BRD3: variants seen among roughly 807,000 people sequenced by gnomAD.
BRD3 encodes the protein bromodomain containing 3, also known as bromodomain-containing protein 3.
Under a neutral mutation model 66.8 loss-of-function variants are expected in BRD3, and 17 were observed. The ratio of observed to expected loss-of-function variants is 0.25; its 90% CI spans 0.17 to 0.38. BRD3 has a LOEUF of 0.38. Ranked by LOEUF, BRD3 falls within the 10% of genes least tolerant of loss-of-function variation. BRD3 has a pLI of 1.00. For missense variants in BRD3, 713 were observed against 956.1 expected (o/e 0.75, Z 3.35); for synonymous variants, 421 against 393.2 (o/e 1.07, Z -0.84).
At chr9:134,059,923 T>C (rs958441764) in intron 1 of BRD3, among the ~76,000 whole-genome samples, 3 of 152,140 alleles carry the variant, frequency 2.0e-5, no homozygotes, top group African/African-American at 4.8e-5. Context: ...AGGGAAGCGG[T>C]GGGTCCTTGG....
In BRD3 at chr9:134,068,002, G is replaced by C. The variant is rs1830709590; in HGVS notation, c.-171C>G. Reference sequence around the variant, plus strand: ...CGGCCCGCGCGGCCGGCTCCTCTTTGGCTCGCCGGCCCCGGCAGCATAATA... The same window carrying C: ...CGGCCCGCGCGGCCGGCTCCTCTTTCGCTCGCCGGCCCCGGCAGCATAATA... On this transcript the variant is annotated 5_prime_UTR_variant, in exon 1 of 12. Coordinates refer to ENST00000303407, the MANE Select transcript of BRD3 (RefSeq NM_007371.4). 1 of 144,962 alleles carries C rather than the reference G, an allele frequency of 6.9e-6. No homozygotes were observed. 9.0% of individuals were successfully genotyped at this position (144,962 alleles called of 1,614,324 possible).
chr9:134,067,727 C>G (rs1254443570), intron 1 of BRD3, among the ~76,000 whole-genome samples: 2 of 144,638 alleles, frequency 1.4e-5, no homozygotes, highest in African/African-American at 2.5e-5. Context: ...CCGCCGCCGC[C>G]ACCGCCGCCG....
chr9:134,036,595 T>C, intron 9 of BRD3: 1 of 1,605,410 alleles, frequency 6.2e-7, no homozygotes, highest in Non-Finnish European at 8.5e-7. Context: ...ATGATCTCTG[T>C]ATTCAGGTAA....
intron 7 of BRD3, among the ~76,000 whole-genome samples, chr9:134,044,844 TTC>T: frequency 6.6e-6 from 1 of 152,376 alleles, no homozygotes; most frequent in Non-Finnish European, 1.5e-5. Context: ...CGCCTTTTAC[TTC>T]TGTTGTCAGA....
At position 134,054,055 on chromosome 9, in the gene BRD3, A is replaced by G. The variant is rs1421759233; in HGVS notation, c.-113-465T>C. ...GCCACGGTGCGGGCCCAACACAGCC[A>G]GGGGAAGTGGGGCCGGCACAACACG... On this transcript the variant is annotated intron_variant, in intron 1 of 11. Transcript: ENST00000303407. 1.2e-4 allele frequency: 19 copies of G among 154,010 alleles called. No homozygotes were observed. In the South Asian group the frequency reaches 2.3e-3, roughly 18 times the overall value. The allele number at this position is 154,010 out of a possible 1,614,324, so 9.5% of individuals were successfully genotyped here.
rs2301576 is a variant in BRD3, at chr9:134,050,386, C to T, written c.702G>A (p.Pro234=). 0.1 allele frequency: 163,340 copies of T among 1,610,276 alleles called. 8,959 individuals are homozygous for T. Among genetic ancestry groups the T allele is most frequent in the Admixed American group, 0.15 (9,009 of 59,826 alleles). ...TCAGGGTGCTCACCTTGACGACAGG[C>T]GGCGTAGGAGGGACCACGGGGACGA... ...TPIVPVVPPT[P]PVVKKKGVKR... The change falls in exon 5 of 12, where the codon CCG becomes CCA. Residue 234 remains proline, a synonymous_variant. Transcript: ENST00000303407.
chr9:134,033,887 T>C lies in BRD3; in HGVS notation c.2066-182A>G, dbSNP rs145240966. ...GGTCAACAAGACTATCTGAATATAC[T>C]TGAGACAGGAAAAAAATGAATGCAG... On this transcript the variant is annotated intron_variant, in intron 11 of 11. Transcript: ENST00000303407. This position sits in a 1 kb window ranked among gnomAD's most constrained non-coding sequence, Gnocchi z 5.1. Among the ~76,000 whole-genome samples the C allele has an allele frequency of 4.2e-3, 632 of 151,962 alleles. 3 individuals are homozygous for C. Among genetic ancestry groups the C allele is most frequent in the African/African-American group, 0.015 (613 of 41,540 alleles).
Position 134,050,360 on chromosome 9 carries a change from C to T in BRD3, c.714+14G>A. 6.2e-7 allele frequency: 1 copy of T among 1,605,312 alleles called. No homozygotes were observed. The highest frequency in any genetic ancestry group is 8.5e-7 in the Non-Finnish European group (1 of 1,176,128). ...GGCTCAGGTGCCCCACCCATCCGGACTCAGGGTGCTCACCTTGACGACAGG... is the reference window on the plus strand; with the variant it reads ...GGCTCAGGTGCCCCACCCATCCGGATTCAGGGTGCTCACCTTGACGACAGG... On this transcript the variant is annotated intron_variant, in intron 5 of 11. Transcript: ENST00000303407.
intron 4 of BRD3, 127 bp from the exon 5 acceptor site, chr9:134,050,715 A>G: frequency 1.4e-6 from 1 of 739,994 alleles, no homozygotes; most frequent in Non-Finnish European, 2.2e-6. Context: ...GGCCAGAAGA[A>G]CCCTCCATGC....
chr9:134,067,697 G>A (rs1830697820), intron 1 of BRD3, among the ~76,000 whole-genome samples: 1 of 145,916 alleles, frequency 6.9e-6, no homozygotes, highest in Non-Finnish European at 1.5e-5. Flanking sequence ...AGCGGGAGGA[G>A]GGGAGCGGAG....
chr9:134,065,302 T>C lies in BRD3; in HGVS notation c.-114+2643A>G, dbSNP rs895790335. 4.6e-5 allele frequency among the ~76,000 whole-genome samples: 7 copies of C among 152,310 alleles called. No individual in the cohort carries two copies. The South Asian group carries it at 8.3e-4, about 18-fold the overall frequency. ...AGCTGGGCGTGGTGGCGGACGCCTG[T>C]AATCCCAGCTACTTGGGAGGCTGAA... On this transcript the variant is annotated intron_variant, in intron 1 of 11. Coordinates refer to ENST00000303407, the MANE Select transcript of BRD3 (RefSeq NM_007371.4).
Position 134,053,602 on chromosome 9 carries a change from G to A in BRD3, c.-113-12C>T. On this transcript the variant is annotated splice_polypyrimidine_tract_variant and intron_variant, in intron 1 of 11. Coordinates refer to ENST00000303407, the MANE Select transcript of BRD3 (RefSeq NM_007371.4). ...CAACCAGGCGACAGCTGCAGAGGAG[G>A]AAGCACAACAGAGAGGAAGGCCAGT... 1 of 1,441,394 alleles carries A rather than the reference G, an allele frequency of 6.9e-7. No homozygotes were observed. The highest frequency in any genetic ancestry group is 1.4e-5 in the African/African-American group (1 of 70,058). 89.3% of individuals were successfully genotyped at this position (1,441,394 alleles called of 1,614,324 possible).
intron 5 of BRD3, among the ~76,000 whole-genome samples, chr9:134,049,311 C>G (rs1564554054): frequency 6.6e-6 from 1 of 152,200 alleles, no homozygotes; most frequent in Non-Finnish European, 1.5e-5. Flanking sequence ...ACCCTGAGAC[C>G]AGCTCAGCCA....
At chr9:134,068,284 C>G (rs1457762580), upstream of BRD3, 1 of 147,668 alleles carries the variant, frequency 6.8e-6, no homozygotes, top group African/African-American at 2.5e-5. Context: ...ACGCTGGGAC[C>G]CCGTGGGCCG....
chr9:134,065,622 T>C (rs1167982667), intron 1 of BRD3, among the ~76,000 whole-genome samples: 1 of 151,950 alleles, frequency 6.6e-6, no homozygotes, highest in Middle Eastern at 3.2e-3. Context: ...CTGGGAAGAG[T>C]AGGCCCCGGT....
At chr9:134,039,996 C>A in intron 9 of BRD3, 38 bp downstream of exon 9, 1 of 1,557,710 alleles carries the variant, frequency 6.4e-7, no homozygotes. Context: ...GCGTGCTGAG[C>A]GCTGGGCTCT....
chr9:134,050,449 G>T lies in BRD3; in HGVS notation c.639C>A (p.Val213=), dbSNP rs201357544. 4.4e-5 allele frequency: 71 copies of T among 1,612,348 alleles called. No homozygotes were observed. In the South Asian group the frequency reaches 7.7e-4, roughly 17 times the overall value. Reference sequence around the variant, plus strand: ...GAGGAGGTGGGGCGGCAGCTGGGGGGACTGGGACCGACGTGACGTTTGCAG... The same window carrying T: ...GAGGAGGTGGGGCGGCAGCTGGGGGTACTGGGACCGACGTGACGTTTGCAG... ...TITANVTSVP[V]PPAAAPPPPA... The change falls in exon 5 of 12, where the codon GTC becomes GTA. Residue 213 remains valine (V), a synonymous_variant. Coordinates refer to ENST00000303407, the MANE Select transcript of BRD3 (RefSeq NM_007371.4).
At position 134,031,968 on chromosome 9, in the gene BRD3, G is replaced by A. The variant is rs977824634; in HGVS notation, c.*1622C>T. 5 of 216,668 alleles carry A rather than the reference G, an allele frequency of 2.3e-5. No homozygotes were observed. The highest frequency in any genetic ancestry group is 1.1e-4 in the African/African-American group (5 of 44,324). 13.4% of individuals were successfully genotyped at this position (216,668 alleles called of 1,614,324 possible). On this transcript the variant is annotated 3_prime_UTR_variant, in exon 12 of 12. Transcript: ENST00000303407. The stretch of plus-strand genomic sequence containing the variant: ...GAGTCTCCGGGAGGGAATCCTCCTG[G>A]GGCCCAGAGACTCCTCCACCCCTGG...
chr9:134,034,526 C>T lies in BRD3; in HGVS notation c.2065+175G>A, dbSNP rs189787327. 625 of 898,690 alleles carry T rather than the reference C, an allele frequency of 7.0e-4. 2 individuals carry two copies. The highest frequency in any genetic ancestry group is 9.5e-4 in the Non-Finnish European group (581 of 608,992). The allele number at this position is 898,690 out of a possible 1,614,324, so 55.7% of individuals were successfully genotyped here. On this transcript the variant is annotated intron_variant, in intron 11 of 11. Transcript: ENST00000303407. ...CCTCCCTGCAGGGTTGGGGTATGAC[C>T]CCCAGTGACAGACCAGGAAATGGAG...
Sources: gnomAD v4.1 joint callset for allele counts (sites outside exome capture counted in the v4.1 genomes callset) on GRCh38, gnomAD v4.1.1 for gene constraint, Gnocchi (gnomAD v3.1) non-coding constraint, MANE v1.5 for transcripts, NCBI Gene and HGNC (gene_info 2026-07-23, HGNC 2026-07-21) for gene names.